The following MDGA2 variants were observed in gnomAD, a reference collection of about 807,000 sequenced individuals.
MDGA2 encodes MAM domain containing glycosylphosphatidylinositol anchor 2.
A neutral mutation model predicts 117.8 loss-of-function variants in MDGA2; 40 were observed. The ratio of observed to expected loss-of-function variants is 0.34; its 90% CI spans 0.26 to 0.44. The LOEUF (loss-of-function observed/expected upper bound fraction) is 0.44. MDGA2 is among the 20% of genes least tolerant of loss of function. MDGA2 has a pLI of 1.00. For synonymous variants in MDGA2, 452 were observed against 439.0 expected, an observed-to-expected ratio of 1.03 and a Z score of -0.37; for missense variants, 1,123 against 1,250.6, an observed-to-expected ratio of 0.90 and a Z score of 1.54.
At chr14:46,991,541 A>T (rs1887094188) in intron 8 of MDGA2, among the ~76,000 whole-genome samples, 1 of 152,070 alleles carries the variant, frequency 6.6e-6, no homozygotes, top group African/African-American at 2.4e-5. Flanking sequence ...ATTATTTGGA[A>T]ATTTTATATC....
chr14:47,240,342 C>G (rs79669318), intron 2 of MDGA2, among the ~76,000 whole-genome samples: 1 of 151,800 alleles, frequency 6.6e-6, no homozygotes, highest in Non-Finnish European at 1.5e-5. Flanking sequence ...CCACGCCCAG[C>G]TAGAAACATT....
Position 47,218,214 on chromosome 14 carries a change from A to C in MDGA2, c.421-19T>G. On this transcript the variant is annotated intron_variant, in intron 2 of 16. Transcript: ENST00000399232. ...ACCTGATCTGAGCAAGCATCAACAA[A>C]GATTGTTACTTTAGGTTGGTTTTCC... 1 of 1,501,414 alleles carries C rather than the reference A, an allele frequency of 6.7e-7. No individual in the cohort carries two copies. The highest frequency in any genetic ancestry group is 1.4e-5 in the African/African-American group (1 of 71,040). 93.0% of individuals were successfully genotyped at this position (1,501,414 alleles called of 1,614,324 possible). A position where few individuals can be genotyped will look rare whatever the true frequency, so the allele number is the denominator to read the frequency against.
intron 1 of MDGA2, among the ~76,000 whole-genome samples, chr14:47,491,212 A>C (rs1894162413): frequency 6.6e-6 from 1 of 152,106 alleles, no homozygotes; most frequent in Non-Finnish European, 1.5e-5. Flanking sequence ...TCCTAAAGCA[A>C]TGTGTGAGAC....
chr14:47,084,824 C>G (rs1157219505), intron 6 of MDGA2, among the ~76,000 whole-genome samples: 3 of 152,088 alleles, frequency 2.0e-5, no homozygotes, highest in African/African-American at 7.2e-5. Context: ...CACTAGAATC[C>G]AACCATGCCA....
At chr14:46,915,541 G>T (rs531269208) in intron 10 of MDGA2, among the ~76,000 whole-genome samples, 1 of 152,242 alleles carries the variant, frequency 6.6e-6, no homozygotes, top group African/African-American at 2.4e-5. Context: ...TTTTTTAAAG[G>T]TTAGTTTTAG....
chr14:47,466,067 A>G (rs1249645923), intron 1 of MDGA2, among the ~76,000 whole-genome samples: 1 of 152,168 alleles, frequency 6.6e-6, no homozygotes, highest in African/African-American at 2.4e-5. Flanking sequence ...CTAGCACAAG[A>G]GCAGAAAACC....
At chr14:47,270,011 C>T (rs181469947) in intron 2 of MDGA2, among the ~76,000 whole-genome samples, 37 of 152,280 alleles carry the variant, frequency 2.4e-4, no homozygotes, top group Non-Finnish European at 7.3e-5. Flanking sequence ...AGTGAAAGCA[C>T]AGCGTGGAGC....
chr14:47,592,562 A>G (rs1896461334), intron 1 of MDGA2, among the ~76,000 whole-genome samples: 1 of 152,156 alleles, frequency 6.6e-6, no homozygotes, highest in South Asian at 2.1e-4. Flanking sequence ...GATGGAATAG[A>G]GATCTCAGAA....
intron 8 of MDGA2, among the ~76,000 whole-genome samples, chr14:47,029,208 A>G (rs1404004170): frequency 3.9e-5 from 6 of 152,160 alleles, no homozygotes; most frequent in Non-Finnish European, 8.8e-5. Flanking sequence ...AAAAGTAACT[A>G]GCATACTCTC....
chr14:46,875,830 G>A (rs1212063967), intron 12 of MDGA2, among the ~76,000 whole-genome samples: 1 of 151,398 alleles, frequency 6.6e-6, no homozygotes, highest in African/African-American at 2.4e-5. Flanking sequence ...AAAGATAAAG[G>A]ATTTCAGTTT....
At chr14:47,276,422 G>C (rs990747418) in intron 2 of MDGA2, among the ~76,000 whole-genome samples, 10 of 152,128 alleles carry the variant, frequency 6.6e-5, no homozygotes, top group African/African-American at 2.4e-4. Context: ...CCAGAAAAAT[G>C]TGTATCAGGC....
chr14:47,601,663 T>A (rs186490256), intron 1 of MDGA2, among the ~76,000 whole-genome samples: 1 of 152,256 alleles, frequency 6.6e-6, no homozygotes, highest in East Asian at 1.9e-4. Context: ...ATAGTTGAGA[T>A]AAAACTAAAA....
Position 47,063,076 on chromosome 14 carries a change from A to G in MDGA2, c.1196-1498T>C, listed in dbSNP as rs140911894. 1.2e-4 allele frequency among the ~76,000 whole-genome samples: 18 copies of G among 152,164 alleles called. No homozygotes were observed. In the East Asian group the frequency reaches 3.3e-3, roughly 28 times the overall value. Reference sequence around the variant, plus strand: ...TGTACTGCAGCCTGCATATTCATAGATTAGAGGCCAACTTATTCACACAAC... The same window carrying G: ...TGTACTGCAGCCTGCATATTCATAGGTTAGAGGCCAACTTATTCACACAAC... On this transcript the variant is annotated intron_variant, in intron 6 of 16. Coordinates refer to ENST00000399232, the MANE Select transcript of MDGA2 (RefSeq NM_001113498.3).
chr14:47,129,241 C>T lies in MDGA2; in HGVS notation c.925+2473G>A, dbSNP rs535698878. 7.3e-5 allele frequency among the ~76,000 whole-genome samples: 11 copies of T among 150,640 alleles called. No individual in the cohort carries two copies. In the South Asian group the frequency reaches 1.9e-3, roughly 26 times the overall value. On this transcript the variant is annotated intron_variant, in intron 5 of 16. Coordinates refer to ENST00000399232, the MANE Select transcript of MDGA2 (RefSeq NM_001113498.3). Reference sequence around the variant, plus strand: ...GGTATATCTCCCAATGCTATAGCTCCCCCCCCGACCCCACAACAGTCCCCA... The same window carrying T: ...GGTATATCTCCCAATGCTATAGCTCTCCCCCCGACCCCACAACAGTCCCCA...
At chr14:47,434,265 C>T (rs1407970667) in intron 1 of MDGA2, among the ~76,000 whole-genome samples, 1 of 152,010 alleles carries the variant, frequency 6.6e-6, no homozygotes, top group African/African-American at 2.4e-5. Context: ...CAGATACAGA[C>T]CCCCTTGAAA....
intron 1 of MDGA2, among the ~76,000 whole-genome samples, chr14:47,645,004 G>C (rs1357655463): frequency 6.6e-6 from 1 of 152,092 alleles, no homozygotes; most frequent in African/African-American, 2.4e-5. Flanking sequence ...CTAGAAGCTG[G>C]AAAAGGCAAG....
At chr14:47,030,931 T>A (rs948133408) in intron 8 of MDGA2, among the ~76,000 whole-genome samples, 5 of 152,158 alleles carry the variant, frequency 3.3e-5, no homozygotes, top group Non-Finnish European at 7.4e-5. Context: ...AAATTAGCAA[T>A]GTGAACAAGA....
intron 1 of MDGA2, among the ~76,000 whole-genome samples, chr14:47,477,318 G>A (rs1008918640): frequency 6.6e-6 from 1 of 151,990 alleles, no homozygotes; most frequent in Non-Finnish European, 1.5e-5. Context: ...AGAGCTTTAA[G>A]ATTCAAGATG....
intron 1 of MDGA2, among the ~76,000 whole-genome samples, chr14:47,614,628 G>T (rs942850575): frequency 1.3e-5 from 2 of 152,110 alleles, no homozygotes; most frequent in Non-Finnish European, 2.9e-5. Flanking sequence ...TTTTAAAAAG[G>T]CCAAGTTTCC....
Sources: gnomAD v4.1 joint callset for allele counts (sites outside exome capture counted in the v4.1 genomes callset) on GRCh38, gnomAD v4.1.1 for gene constraint, MANE v1.5 for transcripts, NCBI Gene and HGNC (gene_info 2026-07-23, HGNC 2026-07-21) for gene names.